PTPN4: variants seen among roughly 807,000 people sequenced by gnomAD.
The protein encoded by PTPN4 is tyrosine-protein phosphatase non-receptor type 4.
A neutral mutation model predicts 135.5 loss-of-function variants in PTPN4; 49 were observed. The ratio of observed to expected loss-of-function variants is 0.36; its 90% CI spans 0.29 to 0.46. The LOEUF is 0.46. PTPN4 is among the 20% of genes least tolerant of loss of function. PTPN4 has a pLI of 1.00. For missense variants in PTPN4, 860 were observed against 1,101.0 expected (o/e 0.78, Z 3.10); for synonymous variants, 333 against 369.9 (o/e 0.90, Z 1.14).
intron 15 of PTPN4, among the ~76,000 whole-genome samples, chr2:119,941,996 A>G (rs1044583951): frequency 1.3e-5 from 2 of 152,140 alleles, no homozygotes; most frequent in Non-Finnish European, 2.9e-5. Context: ...GAGCTTCCAG[A>G]TTTTTCATCT....
At position 119,981,605 on chromosome 2, in the gene PTPN4, GATA is replaced by G. The variant is rs769019232; in HGVS notation, c.*4541_*4543del. The G allele has an allele frequency of 5.9e-5, 9 of 151,970 alleles. No individual in the cohort carries two copies. Among genetic ancestry groups the G allele is most frequent in the Non-Finnish European group, 8.8e-5 (6 of 67,940 alleles). 9.4% of individuals were successfully genotyped at this position (151,970 alleles called of 1,614,324 possible). Reference sequence around the variant, plus strand: ...CCTAAAACATTTTTGAGGGCTAATTGATAATAATTTCAGCAATTTTATTAAGAA... The same window carrying G: ...CCTAAAACATTTTTGAGGGCTAATTGATAATTTCAGCAATTTTATTAAGAA... On this transcript the variant is annotated 3_prime_UTR_variant, in exon 27 of 27. Transcript: ENST00000263708.
chr2:119,962,753 G>A lies in PTPN4; in HGVS notation c.2409+9G>A, dbSNP rs377715161. 2.6e-6 allele frequency: 4 copies of A among 1,560,976 alleles called. No homozygotes were observed. The African/African-American group carries it at 4.1e-5, about 16-fold the overall frequency. ...CCCTATTTAACCAAGAGGTAAGAAG[G>A]CAGGATATCTGTTCATTAGAACTGT... is the stretch of plus-strand genomic sequence containing the variant. On this transcript the variant is annotated intron_variant, in intron 24 of 26. Coordinates refer to ENST00000263708, the MANE Select transcript of PTPN4 (RefSeq NM_002830.4).
At position 119,897,221 on chromosome 2, in the gene PTPN4, C is replaced by G. The variant is rs138962431; in HGVS notation, c.676-3497C>G. Reference sequence around the variant, plus strand: ...GTGCTGGGATTACAGGCATGAGCCACCACACCCAGCCTCCTAAGTCCTTTT... The same window carrying G: ...GTGCTGGGATTACAGGCATGAGCCAGCACACCCAGCCTCCTAAGTCCTTTT... On this transcript the variant is annotated intron_variant, in intron 9 of 26. Coordinates refer to ENST00000263708, the MANE Select transcript of PTPN4 (RefSeq NM_002830.4). Among the ~76,000 whole-genome samples the G allele has an allele frequency of 6.3e-3, 964 of 152,302 alleles. 11 individuals are homozygous for G. The highest frequency in any genetic ancestry group is 7.5e-3 in the Non-Finnish European group (507 of 68,024).
At chr2:119,907,270 T>C (rs187919923) in intron 10 of PTPN4, among the ~76,000 whole-genome samples, 126 of 152,254 alleles carry the variant, frequency 8.3e-4, no homozygotes, top group Non-Finnish European at 1.2e-3. Context: ...AAAATATCAA[T>C]GACATTCTTC....
At chr2:119,853,191 C>A (rs960297918) in intron 2 of PTPN4, among the ~76,000 whole-genome samples, 22 of 152,284 alleles carry the variant, frequency 1.4e-4, no homozygotes, top group Admixed American at 4.6e-4. Flanking sequence ...TTTTTTACAT[C>A]TTTGCTGATT....
At chr2:119,895,028 A>G (rs1678298902) in intron 9 of PTPN4, among the ~76,000 whole-genome samples, 1 of 152,196 alleles carries the variant, frequency 6.6e-6, no homozygotes, top group Admixed American at 6.5e-5. Context: ...TCTTTAAAAT[A>G]TTTATAGATG....
At chr2:119,784,273 CTTTT>C (rs573937387) in intron 1 of PTPN4, among the ~76,000 whole-genome samples, 1 of 131,700 alleles carries the variant, frequency 7.6e-6, no homozygotes, top group African/African-American at 2.8e-5. Context: ...TGTAGACTCC[CTTTT>C]TTTTTTTTTT....
In PTPN4 at chr2:119,809,925, A is replaced by G. The variant is rs1691548915; in HGVS notation, c.72A>G (p.Arg24=). 6.2e-7 allele frequency: 1 copy of G among 1,613,668 alleles called. No individual in the cohort carries two copies. Among genetic ancestry groups the G allele is most frequent in the South Asian group, 1.1e-5 (1 of 91,066 alleles). ...GAGCATCAGAGTTGGCCCGAGACAG[A>G]CAGCATACTGAAGTGGTTTGCAACA... is the stretch of plus-strand genomic sequence containing the variant. The part of the protein sequence containing the change: ...NVRASELARD[R]QHTEVVCNIL... The change falls in exon 2 of 27, where the codon AGA becomes AGG. Residue 24 remains arginine, a synonymous_variant. Coordinates refer to ENST00000263708, the MANE Select transcript of PTPN4 (RefSeq NM_002830.4).
chr2:119,847,826 CT>C (rs932304666), intron 2 of PTPN4, among the ~76,000 whole-genome samples: 8 of 152,158 alleles, frequency 5.3e-5, no homozygotes, highest in Non-Finnish European at 1.0e-4. Context: ...TTGCCTTCGT[CT>C]TTTAAAGATG....
chr2:119,794,822 A>G (rs1036953675), intron 1 of PTPN4, among the ~76,000 whole-genome samples: 1 of 152,162 alleles, frequency 6.6e-6, no homozygotes, highest in Non-Finnish European at 1.5e-5. Flanking sequence ...TCCTGTGTCC[A>G]GGAAGAATGA....
chr2:119,877,175 T>G, intron 3 of PTPN4, 148 bp from the exon 4 acceptor site: 1 of 651,022 alleles, frequency 1.5e-6, no homozygotes, highest in Non-Finnish European at 2.5e-6. Flanking sequence ...TGAAAAATAT[T>G]GTCTGTAATG....
rs1679676679 is a variant in PTPN4, at chr2:119,980,498, A to G, written c.*3428A>G. 1 of 151,936 alleles carries G rather than the reference A, an allele frequency of 6.6e-6. No individual in the cohort carries two copies. The highest frequency in any genetic ancestry group is 1.5e-5 in the Non-Finnish European group (1 of 67,886). 9.4% of individuals were successfully genotyped at this position (151,936 alleles called of 1,614,324 possible). ...CGGCATTAGGAAATAGGGTTCAGCA[A>G]TGGTTATTGATTTAGCAGTCTGGTC... On this transcript the variant is annotated 3_prime_UTR_variant, in exon 27 of 27. Transcript: ENST00000263708.
chr2:119,938,455 A>G (rs1291139321), intron 15 of PTPN4, among the ~76,000 whole-genome samples: 1 of 151,972 alleles, frequency 6.6e-6, no homozygotes, highest in Non-Finnish European at 1.5e-5. Context: ...ATGTGGGTAA[A>G]CTGTGTACAG....
chr2:119,796,074 C>T (rs1691252898), intron 1 of PTPN4, among the ~76,000 whole-genome samples: 1 of 152,326 alleles, frequency 6.6e-6, no homozygotes, highest in Non-Finnish European at 1.5e-5. Context: ...GGAAATGGGT[C>T]CTACCCGGCC....
chr2:119,965,296 A>T (rs1017051215), intron 24 of PTPN4, among the ~76,000 whole-genome samples: 2 of 152,110 alleles, frequency 1.3e-5, no homozygotes, highest in Non-Finnish European at 1.5e-5. Context: ...GGTCTGTGGG[A>T]TTCTGAGGCA....
At chr2:119,840,426 G>C (rs1348928483) in intron 2 of PTPN4, among the ~76,000 whole-genome samples, 1 of 152,018 alleles carries the variant, frequency 6.6e-6, no homozygotes, top group African/African-American at 2.4e-5. Context: ...TCATGTCCTT[G>C]CAAAGGACTG....
At chr2:119,773,566 C>T (rs1190887079) in intron 1 of PTPN4, among the ~76,000 whole-genome samples, 1 of 151,662 alleles carries the variant, frequency 6.6e-6, no homozygotes, top group Non-Finnish European at 1.5e-5. Flanking sequence ...TGAAACCCTG[C>T]ATCTACTAAA....
At chr2:119,897,185 A>T (rs1404155412) in intron 9 of PTPN4, among the ~76,000 whole-genome samples, 1 of 152,028 alleles carries the variant, frequency 6.6e-6, no homozygotes, top group Non-Finnish European at 1.5e-5. Flanking sequence ...CACCTGCCTC[A>T]GCTTCCCAAA....
intron 3 of PTPN4, 22 bp downstream of exon 3, chr2:119,862,665 T>C (rs980925075): frequency 1.9e-6 from 3 of 1,562,574 alleles, no homozygotes; most frequent in African/African-American, 1.4e-5. Context: ...ATTTTGTCTT[T>C]CATTTTCATT....
Sources: allele counts gnomAD v4.1 joint callset (sites outside exome capture counted in the v4.1 genomes callset), GRCh38; gene constraint gnomAD v4.1.1; transcripts MANE v1.5; gene names NCBI Gene and HGNC (gene_info 2026-07-23, HGNC 2026-07-21).